Variants in NKAIN3 observed in about 807,000 individuals in gnomAD.
NKAIN3 encodes the protein sodium/potassium transporting ATPase interacting 3, also known as sodium/potassium-transporting ATPase subunit beta-1-interacting protein 3.
A neutral mutation model predicts 30.2 loss-of-function variants in NKAIN3; 25 were observed. The ratio of observed to expected loss-of-function variants is 0.83; its 90% confidence interval spans 0.60 to 1.16. The LOEUF (loss-of-function observed/expected upper bound fraction) is 1.16, where lower values mean the gene tolerates loss of function less well. Ranked by LOEUF, NKAIN3 falls within the 50% of genes most tolerant of loss-of-function variation. The pLI, the probability that NKAIN3 is intolerant of heterozygous loss-of-function variation, is 0.00. For synonymous variants in NKAIN3, 91 were observed against 89.6 expected (o/e 1.02, Z -0.09); for missense variants, 225 against 254.1 (o/e 0.89, Z 0.78).
intron 1 of NKAIN3, among the ~76,000 whole-genome samples, chr8:62,286,604 C>T (rs1174004290): frequency 6.6e-6 from 1 of 152,084 alleles, no homozygotes; most frequent in Admixed American, 6.6e-5. Context: ...TGGCCAGTTT[C>T]CAGAACCAAT....
chr8:62,562,318 A>C (rs1373278923), intron 1 of NKAIN3, among the ~76,000 whole-genome samples: 2 of 152,194 alleles, frequency 1.3e-5, no homozygotes, highest in Non-Finnish European at 2.9e-5. Context: ...GTCCCTTGAG[A>C]TGTTGAAGAG....
intron 5 of NKAIN3, chr8:62,990,885 T>G (rs2130933077): frequency 6.6e-6 from 1 of 152,264 alleles, no homozygotes; most frequent in African/African-American, 2.4e-5. Context: ...CCAGAAAGCA[T>G]TTTTTACAAA....
chr8:62,841,798 A>C (rs1341248835), intron 4 of NKAIN3, among the ~76,000 whole-genome samples: 3 of 152,156 alleles, frequency 2.0e-5, no homozygotes, highest in Non-Finnish European at 2.9e-5. Flanking sequence ...TCTTTGGCAT[A>C]CTTAATAATT....
At chr8:62,789,362 G>A (rs780341102) in intron 4 of NKAIN3, among the ~76,000 whole-genome samples, 7 of 152,246 alleles carry the variant, frequency 4.6e-5, no homozygotes, top group Middle Eastern at 3.4e-3. Context: ...AAGAATGCTC[G>A]TGATTTTTGC....
chr8:62,962,436 A>T (rs1269707158), intron 6 of NKAIN3, among the ~76,000 whole-genome samples: 1 of 152,230 alleles, frequency 6.6e-6, no homozygotes, highest in African/African-American at 2.4e-5. Context: ...AATGATATTA[A>T]GAAATTTTTG....
At chr8:62,823,968 C>T (rs1410269964) in intron 4 of NKAIN3, among the ~76,000 whole-genome samples, 1 of 152,064 alleles carries the variant, frequency 6.6e-6, no homozygotes, top group Non-Finnish European at 1.5e-5. Context: ...GAATGAACAC[C>T]TGGAGGAAGT....
chr8:62,868,346 T>TC (rs1820487712), intron 4 of NKAIN3, among the ~76,000 whole-genome samples: 1 of 152,012 alleles, frequency 6.6e-6, no homozygotes, highest in African/African-American at 2.4e-5. Flanking sequence ...ATTTCCTTTT[T>TC]TTTTTTTCCT....
At chr8:62,930,760 G>A (rs1277978230) in intron 5 of NKAIN3, among the ~76,000 whole-genome samples, 1 of 150,410 alleles carries the variant, frequency 6.6e-6, no homozygotes, top group Non-Finnish European at 1.5e-5. Context: ...CTAGAGTGCA[G>A]TGGCGCGATC....
rs573196099 is a variant in NKAIN3, at chr8:62,881,701, A to C, written c.472-36752A>C. On this transcript the variant is annotated intron_variant, in intron 4 of 6. Transcript: ENST00000623646. ...ATAGATAAAGCTGCTATAAACAGCC[A>C]TGTTCAGATTTTTGTGCAAACATGT... Among the ~76,000 whole-genome samples, 10 of 152,352 alleles carry C rather than the reference A, an allele frequency of 6.6e-5. No individual in the cohort carries two copies. The East Asian group carries it at 1.9e-3, about 29-fold the overall frequency.
chr8:62,705,838 T>C (rs1365510197), intron 3 of NKAIN3, among the ~76,000 whole-genome samples: 2 of 152,316 alleles, frequency 1.3e-5, no homozygotes, highest in South Asian at 2.1e-4. Flanking sequence ...TTGATTTTTC[T>C]CCCTGCATAG....
intron 3 of NKAIN3, among the ~76,000 whole-genome samples, chr8:62,617,807 C>A (rs1811505531): frequency 6.6e-6 from 1 of 152,156 alleles, no homozygotes; most frequent in Non-Finnish European, 1.5e-5. Flanking sequence ...AAACATATTA[C>A]TGTGTTCATA....
At chr8:62,856,092 A>G (rs1220180157) in intron 4 of NKAIN3, 2 of 704,734 alleles carry the variant, frequency 2.8e-6, no homozygotes, top group African/African-American at 3.5e-5. Context: ...TGGATCATCA[A>G]ACTGTTTTAA....
At chr8:62,412,474 A>G (rs908064435) in intron 1 of NKAIN3, among the ~76,000 whole-genome samples, 1 of 152,174 alleles carries the variant, frequency 6.6e-6, no homozygotes, top group Non-Finnish European at 1.5e-5. Flanking sequence ...ACCTCAAACT[A>G]TAAAAATTCC....
intron 1 of NKAIN3, among the ~76,000 whole-genome samples, chr8:62,366,973 T>A (rs1217520448): frequency 1.3e-5 from 2 of 152,190 alleles, no homozygotes; most frequent in Non-Finnish European, 2.9e-5. Flanking sequence ...GAGCATGTTG[T>A]TTCATTTCCA....
intron 4 of NKAIN3, among the ~76,000 whole-genome samples, chr8:62,851,603 T>C (rs1819900298): frequency 6.6e-6 from 1 of 152,206 alleles, no homozygotes; most frequent in Non-Finnish European, 1.5e-5. Context: ...TTGTCATAGA[T>C]AGCTCTTATT....
chr8:62,561,850 G>A (rs1585949116), intron 1 of NKAIN3, among the ~76,000 whole-genome samples: 2 of 152,132 alleles, frequency 1.3e-5, no homozygotes, highest in Non-Finnish European at 2.9e-5. Context: ...ATAGGTCATA[G>A]CATTGTAAAT....
chr8:62,513,383 A>C (rs1807872715), intron 1 of NKAIN3, among the ~76,000 whole-genome samples: 1 of 151,962 alleles, frequency 6.6e-6, no homozygotes, highest in Non-Finnish European at 1.5e-5. Flanking sequence ...AATAGATATT[A>C]ATCAAACAAT....
chr8:62,913,366 A>G (rs190320398), intron 4 of NKAIN3, among the ~76,000 whole-genome samples: 6 of 152,318 alleles, frequency 3.9e-5, no homozygotes, highest in Admixed American at 3.9e-4. Flanking sequence ...TGATGTCACA[A>G]CAGCTACAAT....
At chr8:62,586,135 T>C (rs1220586309) in intron 2 of NKAIN3, among the ~76,000 whole-genome samples, 1 of 152,240 alleles carries the variant, frequency 6.6e-6, no homozygotes, top group Non-Finnish European at 1.5e-5. Flanking sequence ...TGGACTTTTA[T>C]GCAAATGCTC....
Sources: allele counts gnomAD v4.1 joint callset (sites outside exome capture counted in the v4.1 genomes callset), GRCh38; gene constraint gnomAD v4.1.1; transcripts MANE v1.5; gene names NCBI Gene and HGNC (gene_info 2026-07-23, HGNC 2026-07-21).